Variants in DPF1 observed in about 807,000 individuals in gnomAD.
The protein encoded by DPF1 is double PHD fingers 1, also known as zinc finger protein neuro-d4.
A neutral mutation model predicts 58.7 loss-of-function variants in DPF1; 14 were observed. The observed-to-expected ratio is 0.24, with a 90% CI of 0.16 to 0.37. The LOEUF (loss-of-function observed/expected upper bound fraction) is 0.37. Among genes scored for constraint, DPF1 ranks in the 10% least tolerant of loss-of-function variants. The pLI is 1.00. For missense variants in DPF1, 345 were observed against 529.9 expected (o/e 0.65, Z 3.43); for synonymous variants, 216 against 216.0 (o/e 1.00, Z 0.00).
In DPF1 at chr19:38,212,048, G is replaced by GCGAGC; in HGVS notation, c.*10_*14dup. 1 of 1,604,284 alleles carries GCGAGC rather than the reference G, an allele frequency of 6.2e-7. No homozygotes were observed. The highest frequency in any genetic ancestry group is 8.5e-7 in the Non-Finnish European group (1 of 1,177,416). ...AGGCGAGCACCACCCCAGAGTCGCG[G>GCGAGC]CGAGCCGAGCCGGCCTAGGTGAGGG... On this transcript the variant is annotated 3_prime_UTR_variant, in exon 12 of 12. Transcript: ENST00000355526.
chr19:38,212,442 G>A (rs1973521514), intron 10 of DPF1, 81 bp from the exon 11 acceptor site: 3 of 602,420 alleles, frequency 5.0e-6, no homozygotes, highest in South Asian at 4.3e-5. Context: ...GCAGGGGCTA[G>A]GTCAAGGGGG....
chr19:38,225,246 A>AAAAT (rs888286488), upstream of DPF1, among the ~76,000 whole-genome samples: 11 of 147,492 alleles, frequency 7.5e-5, no homozygotes, highest in South Asian at 4.3e-4. Flanking sequence ...CTCCCTCTCA[A>AAAAT]AAATAAATAA....
At chr19:38,217,399 C>CCCG in intron 7 of DPF1, 61 bp downstream of exon 7, 2 of 1,233,482 alleles carry the variant, frequency 1.6e-6, no homozygotes, top group Non-Finnish European at 2.2e-6. Context: ...CCACCCCCAG[C>CCCG]TGGGCTCCTC....
rs144525421 is a variant in DPF1, at chr19:38,222,624, C to A, written c.114G>T (p.Leu38=). 8.5e-5 allele frequency: 137 copies of A among 1,611,448 alleles called. No individual in the cohort carries two copies. The African/African-American group carries it at 1.7e-3, about 20-fold the overall frequency. ...CGCCGGTCTGCGAGTCGAGGAAGGG[C>A]AGTCGCAGGCTGCGCTCGGCGCACA... ...ARLCAERSLR[L]PFLDSQTGVA... The change falls in exon 2 of 12, where the codon CTG becomes CTT. Residue 38 remains leucine, a synonymous_variant. Transcript: ENST00000355526. The surrounding 1 kb of genome is among the most constrained non-coding windows in gnomAD (Gnocchi z 4.9).
rs1471146482 is a variant in DPF1 at position 38,217,506 on chromosome 19, G to T, written c.681C>A (p.Asn227Lys). Residue 227 changes from asparagine to lysine, a missense_variant, in exon 7 of 12, where the codon AAC becomes AAA. Asn to Lys is a moderately conservative substitution (Grantham distance 94). Transcript: ENST00000355526. The stretch of plus-strand genomic sequence containing the variant: ...GGAAGGGCAGGGCGTGGCGTTCGGC[G>T]TTCTCCTCCCCCTCCTCCTCGGCCA... ...THLAEEEGEE[N>K]AERHALPFHR... is the part of the protein sequence containing the mutation. 17 of 1,551,300 alleles carry T rather than the reference G, an allele frequency of 1.1e-5. No individual in the cohort carries two copies. The highest frequency in any genetic ancestry group is 1.5e-5 in the Non-Finnish European group (17 of 1,146,886).
intron 5 of DPF1, 92 bp from the exon 6 acceptor site, chr19:38,217,968 C>A (rs1967162183): frequency 1.5e-6 from 2 of 1,312,914 alleles, no homozygotes; most frequent in East Asian, 4.7e-5. Flanking sequence ...CTTTGGGAGG[C>A]CGAGGCAGGC....
chr19:38,222,218 C>T lies in DPF1; in HGVS notation c.298+139G>A. 1.4e-6 allele frequency: 1 copy of T among 722,866 alleles called. No individual in the cohort carries two copies. Among genetic ancestry groups the T allele is most frequent in the South Asian group, 2.0e-5 (1 of 50,332 alleles). 44.8% of individuals were successfully genotyped at this position (722,866 alleles called of 1,614,324 possible). A position where few individuals can be genotyped will look rare whatever the true frequency, so the allele number is the denominator to read the frequency against. On this transcript the variant is annotated intron_variant, in intron 3 of 11. Transcript: ENST00000355526. This position sits in a 1 kb window ranked among gnomAD's most constrained non-coding sequence, Gnocchi z 4.9. ...GAGAAACTGTGGAATCTCTGGGAAA[C>T]ACCCGGGACGCACATGGGCAGACAG...
rs1457081235 is a variant in DPF1, at chr19:38,212,135, T to A, written c.1094-2A>T. 1 of 1,608,258 alleles carries A rather than the reference T, an allele frequency of 6.2e-7. No homozygotes were observed. The highest frequency in any genetic ancestry group is 8.5e-7 in the Non-Finnish European group (1 of 1,178,698). ...GACAGAGGTGACAGCTCCAGCTCCC[T>A]GCGGGGGCAGCCGAAGCTGAAGTCA... On this transcript the variant is annotated splice_acceptor_variant, in intron 11 of 11. Transcript: ENST00000355526. LOFTEE classifies it high-confidence loss of function.
intron 1 of DPF1, chr19:38,223,880 T>C: frequency 2.3e-6 from 1 of 443,884 alleles, no homozygotes; most frequent in Non-Finnish European, 3.8e-6. Flanking sequence ...GATGTCTCCC[T>C]TCCCCAAAAA....
chr19:38,217,299 G>A (rs1831361605), intron 7 of DPF1, 161 bp downstream of exon 7: 1 of 966,208 alleles, frequency 1.0e-6, no homozygotes, highest in Non-Finnish European at 1.5e-6. Flanking sequence ...GGTTGCCATG[G>A]CAACCCCGGA....
intron 10 of DPF1, 40 bp from the exon 11 acceptor site, chr19:38,212,401 C>T (rs771918344): frequency 2.7e-5 from 19 of 694,040 alleles, no homozygotes; most frequent in African/African-American, 8.4e-5. Flanking sequence ...CCTGGGGGCA[C>T]GGGCACCAGA....
chr19:38,222,497 G>A lies in DPF1; in HGVS notation c.191-33C>T. ...GAGAGGGGGGTGAGAGGGCGGCGGCGGTGGGGCGGCCTGGCCCCGCCCCGC... is the reference window on the plus strand; with the variant it reads ...GAGAGGGGGGTGAGAGGGCGGCGGCAGTGGGGCGGCCTGGCCCCGCCCCGC... On this transcript the variant is annotated intron_variant, in intron 2 of 11. Coordinates refer to ENST00000355526, the MANE Select transcript of DPF1 (RefSeq NM_001135155.3). The surrounding 1 kb of genome is among the most constrained non-coding windows in gnomAD (Gnocchi z 4.9). 10 of 1,582,786 alleles carry A rather than the reference G, an allele frequency of 6.3e-6. No individual in the cohort carries two copies. The highest frequency in any genetic ancestry group is 6.8e-6 in the Non-Finnish European group (8 of 1,169,860).
chr19:38,227,033 CCTTT>C (rs1555710764), upstream of DPF1, among the ~76,000 whole-genome samples: 21,518 of 131,056 alleles, frequency 0.16, 1,765 homozygotes, highest in East Asian at 0.3. Context: ...TTCCTTCCTT[CCTTT>C]CTTTCTTTCT....
chr19:38,217,264 G>A (rs556232704), intron 7 of DPF1, 196 bp downstream of exon 7: 2 of 679,292 alleles, frequency 2.9e-6, no homozygotes, highest in South Asian at 1.9e-5. Context: ...TATTACGCCC[G>A]GCCAGGAGCG....
upstream of DPF1, among the ~76,000 whole-genome samples, chr19:38,228,508 G>T (rs556565024): frequency 1.3e-4 from 20 of 150,742 alleles, no homozygotes; most frequent in African/African-American, 4.4e-4. Context: ...GCGACGCCGC[G>T]GGCGCTCGCC....
Position 38,211,969 on chromosome 19 carries a change from C to G in DPF1, c.*94G>C, listed in dbSNP as rs1271160073. The G allele has an allele frequency of 2.1e-6, 3 of 1,419,930 alleles. No individual in the cohort carries two copies. The highest frequency in any genetic ancestry group is 2.9e-6 in the Non-Finnish European group (3 of 1,030,932). 88.0% of individuals were successfully genotyped at this position (1,419,930 alleles called of 1,614,324 possible). ...CCTCTCGGCTTCCCCCTCTCCCCCTCCCCCTGCGGGATGTTCAGGGTGGGG... is the reference window on the plus strand; with the variant it reads ...CCTCTCGGCTTCCCCCTCTCCCCCTGCCCCTGCGGGATGTTCAGGGTGGGG... On this transcript the variant is annotated 3_prime_UTR_variant, in exon 12 of 12. Coordinates refer to ENST00000355526, the MANE Select transcript of DPF1 (RefSeq NM_001135155.3). This position sits in a 1 kb window ranked among gnomAD's most constrained non-coding sequence, Gnocchi z 4.0.
intron 10 of DPF1, 53 bp from the exon 11 acceptor site, chr19:38,212,414 C>CG: frequency 7.1e-6 from 1 of 140,702 alleles, no homozygotes; most frequent in Non-Finnish European, 1.3e-5. Context: ...GCACCAGAAA[C>CG]GGGGGTGGGG....
chr19:38,212,841 G>A (rs4803870), intron 10 of DPF1, among the ~76,000 whole-genome samples: 1 of 138,990 alleles, frequency 7.2e-6, no homozygotes, highest in Non-Finnish European at 1.5e-5. Flanking sequence ...GTCTGGTCTA[G>A]AACTCCTGGG....
chr19:38,218,811 G>C, intron 4 of DPF1, 120 bp downstream of exon 4: 1 of 1,550,374 alleles, frequency 6.5e-7, no homozygotes, highest in South Asian at 1.2e-5. Flanking sequence ...TGGTGACTGG[G>C]ATGCCCAACA....
Sources: allele counts gnomAD v4.1 joint callset (sites outside exome capture counted in the v4.1 genomes callset), GRCh38; gene constraint gnomAD v4.1.1; non-coding constraint Gnocchi (gnomAD v3.1); transcripts MANE v1.5; gene names NCBI Gene and HGNC (gene_info 2026-07-23, HGNC 2026-07-21).